LRRTM4: variants seen among roughly 807,000 people sequenced by gnomAD.
LRRTM4 encodes leucine-rich repeat transmembrane neuronal protein 4.
A neutral mutation model predicts 47.6 loss-of-function variants in LRRTM4; 25 were observed. The observed-to-expected ratio is 0.53, with a 90% CI of 0.38 to 0.73. The LOEUF (loss-of-function observed/expected upper bound fraction) is 0.73. LRRTM4 is among the 30% of genes least tolerant of loss of function. The pLI is 0.00. For missense variants in LRRTM4, 638 were observed against 713.4 expected, an observed-to-expected ratio of 0.89 and a Z score of 1.20; for synonymous variants, 311 against 269.5, an observed-to-expected ratio of 1.15 and a Z score of -1.51.
intron 3 of LRRTM4, among the ~76,000 whole-genome samples, chr2:77,192,434 T>A (rs1249456696): frequency 1.3e-5 from 2 of 151,964 alleles, no homozygotes; most frequent in East Asian, 3.9e-4. Context: ...TAAAAAAAAA[T>A]TAGTATGGCA....
At chr2:76,936,954 CAAAAAAAAAAAAAAAAA>C (rs56140303) in intron 3 of LRRTM4, among the ~76,000 whole-genome samples, 2 of 22,696 alleles carry the variant, frequency 8.8e-5, no homozygotes, top group Non-Finnish European at 1.8e-4. Flanking sequence ...GACTCCATCT[CAAAAAAAAAAAAAAAAA>C]AAAAAAAAAA....
At chr2:77,281,150 G>A (rs976544920) in intron 3 of LRRTM4, among the ~76,000 whole-genome samples, 2 of 151,808 alleles carry the variant, frequency 1.3e-5, no homozygotes, top group East Asian at 1.9e-4. Flanking sequence ...AATCTTATTT[G>A]GCTAAGATTT....
At chr2:76,903,150 T>C (rs145206235) in intron 3 of LRRTM4, among the ~76,000 whole-genome samples, 7 of 152,042 alleles carry the variant, frequency 4.6e-5, no homozygotes, top group Admixed American at 4.6e-4. Flanking sequence ...GGTGGGTGGA[T>C]CAAGAGGTCA....
intron 3 of LRRTM4, among the ~76,000 whole-genome samples, chr2:76,987,881 T>C (rs754038195): frequency 6.6e-6 from 1 of 151,826 alleles, no homozygotes; most frequent in Admixed American, 6.6e-5. Context: ...GTCACCCATA[T>C]GCCCAAAAAA....
intron 3 of LRRTM4, among the ~76,000 whole-genome samples, chr2:77,395,716 T>G (rs888034935): frequency 3.9e-5 from 6 of 152,126 alleles, no homozygotes; most frequent in African/African-American, 1.4e-4. Context: ...ATCTATACAC[T>G]GAGACAAATG....
intron 3 of LRRTM4, among the ~76,000 whole-genome samples, chr2:76,930,119 T>C (rs1674722571): frequency 6.6e-6 from 1 of 152,150 alleles, no homozygotes; most frequent in Non-Finnish European, 1.5e-5. Flanking sequence ...GTGTAATTTC[T>C]AACAGCCAAT....
At chr2:76,885,812 G>C (rs967927730) in intron 3 of LRRTM4, among the ~76,000 whole-genome samples, 1 of 152,024 alleles carries the variant, frequency 6.6e-6, no homozygotes, top group Non-Finnish European at 1.5e-5. Context: ...ACCAGCCTGT[G>C]GGAATTTTAT....
chr2:77,015,303 T>C (rs144489266), intron 3 of LRRTM4, among the ~76,000 whole-genome samples: 3 of 152,326 alleles, frequency 2.0e-5, no homozygotes, highest in African/African-American at 7.2e-5. Context: ...CTTCCCTGAC[T>C]GATACATGGA....
chr2:77,476,956 T>A (rs1390126475), intron 3 of LRRTM4, among the ~76,000 whole-genome samples: 2 of 134,706 alleles, frequency 1.5e-5, no homozygotes, highest in African/African-American at 5.8e-5. Context: ...ATAATAAATT[T>A]GTAAGAGATG....
chr2:77,432,652 T>A (rs1305107682), intron 3 of LRRTM4, among the ~76,000 whole-genome samples: 1 of 152,196 alleles, frequency 6.6e-6, no homozygotes, highest in South Asian at 2.1e-4. Flanking sequence ...TAAGTATACA[T>A]ACATGTATTC....
At chr2:76,948,123 A>G (rs771859685) in intron 3 of LRRTM4, among the ~76,000 whole-genome samples, 23 of 151,794 alleles carry the variant, frequency 1.5e-4, no homozygotes, top group Admixed American at 7.2e-4. Context: ...TTTCACGGCA[A>G]CAGCAAGTAA....
In LRRTM4 at chr2:76,907,763, G is replaced by A. The variant is rs1300947589; in HGVS notation, c.1552-158847C>T. On this transcript the variant is annotated intron_variant, in intron 3 of 3. Transcript: ENST00000409884. ...TCTAGAAGAAATGGATAAATTCCTC[G>A]ACACATACACTCTCCCAAGACTAAA... Among the ~76,000 whole-genome samples, 14 of 127,600 alleles carry A rather than the reference G, an allele frequency of 1.1e-4. 1 individual carries two copies. The highest frequency in any genetic ancestry group is 7.6e-4 in the East Asian group (3 of 3,972). 83.7% of individuals were successfully genotyped at this position (127,600 alleles called of 152,430 possible). A position where few individuals can be genotyped will look rare whatever the true frequency, so the allele number is the denominator to read the frequency against.
chr2:77,352,354 A>G (rs1671815680), intron 3 of LRRTM4, among the ~76,000 whole-genome samples: 1 of 152,184 alleles, frequency 6.6e-6, no homozygotes, highest in Non-Finnish European at 1.5e-5. Flanking sequence ...TGCAATGAAG[A>G]GTAAATTCAA....
chr2:76,842,561 T>C (rs1286036412), intron 3 of LRRTM4, among the ~76,000 whole-genome samples: 1 of 152,182 alleles, frequency 6.6e-6, no homozygotes, highest in East Asian at 1.9e-4. Flanking sequence ...AGCCTACTGT[T>C]AGGCAGAATC....
chr2:77,262,431 A>G (rs1217491319), intron 3 of LRRTM4, among the ~76,000 whole-genome samples: 1 of 152,002 alleles, frequency 6.6e-6, no homozygotes, highest in Non-Finnish European at 1.5e-5. Context: ...TACATTTGTT[A>G]TAACTAGTGA....
intron 3 of LRRTM4, among the ~76,000 whole-genome samples, chr2:77,391,719 A>C (rs1673511344): frequency 6.6e-6 from 1 of 151,980 alleles, no homozygotes; most frequent in Admixed American, 6.6e-5. Context: ...CCTCTCAGCC[A>C]AGGGGACCCA....
chr2:76,996,486 A>C (rs1198517965), intron 3 of LRRTM4, among the ~76,000 whole-genome samples: 2 of 152,104 alleles, frequency 1.3e-5, no homozygotes, highest in African/African-American at 4.8e-5. Context: ...AAAATTATGG[A>C]GAAAAGACAA....
intron 3 of LRRTM4, among the ~76,000 whole-genome samples, chr2:77,106,777 C>T (rs1281639681): frequency 6.6e-6 from 1 of 151,318 alleles, no homozygotes. Context: ...TTCTAAGTTG[C>T]CAATATTAAT....
At chr2:77,268,618 A>C (rs1404296154) in intron 3 of LRRTM4, among the ~76,000 whole-genome samples, 3 of 152,184 alleles carry the variant, frequency 2.0e-5, no homozygotes, top group Non-Finnish European at 4.4e-5. Flanking sequence ...CCTCACTTAA[A>C]GTCCACTAGG....
Sources: gnomAD v4.1 joint callset for allele counts (sites outside exome capture counted in the v4.1 genomes callset) on GRCh38, gnomAD v4.1.1 for gene constraint, MANE v1.5 for transcripts, NCBI Gene and HGNC (gene_info 2026-07-23, HGNC 2026-07-21) for gene names.